CBLC: variants seen among roughly 807,000 people sequenced by gnomAD.
CBLC encodes E3 ubiquitin-protein ligase CBL-C.
CBLC carries 46 observed loss-of-function variants against 58.6 expected under a neutral mutation model. The observed-to-expected ratio is 0.79, with a 90% confidence interval of 0.62 to 1.00. The LOEUF (loss-of-function observed/expected upper bound fraction) is 1.00, where lower values mean the gene tolerates loss of function less well. CBLC is among the 50% of genes least tolerant of loss of function. CBLC has a pLI of 0.00. For synonymous variants in CBLC, 271 were observed against 264.2 expected (o/e 1.03, Z -0.25); for missense variants, 655 against 625.8 (o/e 1.05, Z -0.50).
chr19:44,777,958 GC>G lies in CBLC; in HGVS notation c.28del (p.Arg10AspfsTer19). On this transcript the variant is annotated frameshift_variant, in exon 1 of 11. Coordinates refer to ENST00000647358, the MANE Select transcript of CBLC (RefSeq NM_012116.4). LOFTEE classifies it high-confidence loss of function. ...TGGCTCTGGCGGTGGCCCCGTGGGG[GC>G]GACAGTGGGAAGAGGCCCGCGCCCT... MALAVAPWG[R>X]QWEEARALGR... 2.5e-6 allele frequency: 4 copies of G among 1,601,034 alleles called. No individual in the cohort carries two copies. The South Asian group carries it at 4.4e-5, about 18-fold the overall frequency.
chr19:44,782,661 C>A (rs1349186418), intron 4 of CBLC, among the ~76,000 whole-genome samples, 170 bp downstream of exon 4: 3 of 152,106 alleles, frequency 2.0e-5, no homozygotes, highest in African/African-American at 7.2e-5. Flanking sequence ...TCCCAGCCCG[C>A]CTCTTCTCTC....
intron 4 of CBLC, 41 bp downstream of exon 4, chr19:44,782,532 C>T (rs1967778471): frequency 1.3e-6 from 2 of 1,557,286 alleles, no homozygotes; most frequent in African/African-American, 2.7e-5. Context: ...CTGCAGGGCT[C>T]AGGGATCTGG....
rs1394074209 is a variant in CBLC at position 44,782,492 on chromosome 19, G to A, written c.779+1G>A. The A allele has an allele frequency of 1.9e-6, 3 of 1,612,924 alleles. No homozygotes were observed. The highest frequency in any genetic ancestry group is 2.7e-5 in the African/African-American group (2 of 74,852). On this transcript the variant is annotated splice_donor_variant, in intron 4 of 10. Transcript: ENST00000647358. LOFTEE classifies it high-confidence loss of function. ...AGGCCTGCAGGGACAAGCCAGGCAG[G>A]TAAAGGGTCCAGGGCTCAGCAGAAC...
Position 44,784,334 on chromosome 19 carries a change from A to C in CBLC, c.850A>C (p.Ile284Leu). ...CGGCTATGTGAGCTCAGATGGCAGC[A>C]TCCTGCAGACCATCCCTGCCAACAA... is the stretch of plus-strand genomic sequence containing the variant. ...AIGYVSSDGS[I>L]LQTIPANKPL... The change falls in exon 5 of 11, where the codon ATC becomes CTC. Residue 284 changes from isoleucine (I) to leucine (L), a missense_variant. Physicochemically the swap from Ile to Leu is conservative, Grantham distance 5. Around this residue, in one of 3 missense-constraint regions of CBLC, gnomAD observed 371 missense variants for 370.8 expected, o/e 1.00. Coordinates refer to ENST00000647358, the MANE Select transcript of CBLC (RefSeq NM_012116.4). The C allele has an allele frequency of 6.2e-7, 1 of 1,603,512 alleles. No homozygotes were observed. The highest frequency in any genetic ancestry group is 1.7e-5 in the Admixed American group (1 of 59,890).
At chr19:44,791,165 G>T (rs1173170004) in intron 6 of CBLC, among the ~76,000 whole-genome samples, 4 of 151,792 alleles carry the variant, frequency 2.6e-5, no homozygotes, top group Non-Finnish European at 5.9e-5. Context: ...TTTAGGTTAG[G>T]CACAGTGGTT....
intron 5 of CBLC, 98 bp from the exon 6 acceptor site, chr19:44,789,904 CAG>C (rs1429927551): frequency 1.2e-6 from 1 of 800,090 alleles, no homozygotes; most frequent in African/African-American, 1.7e-5. Flanking sequence ...ATCCTCAACT[CAG>C]GGAAATATGG....
chr19:44,781,328 A>G lies in CBLC; in HGVS notation c.622A>G (p.Ile208Val). Residue 208 changes from isoleucine (I) to valine (V), a missense_variant, in exon 3 of 11, where the codon ATC (isoleucine) becomes GTC (valine). Ile to Val is a conservative substitution (Grantham distance 29). Coordinates refer to ENST00000647358, the MANE Select transcript of CBLC (RefSeq NM_012116.4). ...IDLTCSGHVS[I>V]FEFDVFTRLF... ...CCTCACCTGCAGCGGGCACGTGTCC[A>G]TCTTCGAGTTCGACGTCTTCACCAG... The G allele has an allele frequency of 1.2e-6, 2 of 1,612,468 alleles. No individual in the cohort carries two copies. Among genetic ancestry groups the G allele is most frequent in the Non-Finnish European group, 1.7e-6 (2 of 1,179,990 alleles).
chr19:44,797,197 G>A (rs2122511833), intron 9 of CBLC, among the ~76,000 whole-genome samples: 2 of 151,820 alleles, frequency 1.3e-5, no homozygotes, highest in Non-Finnish European at 2.9e-5. Flanking sequence ...ACATACCACA[G>A]AAGAGACAGC....
intron 1 of CBLC, among the ~76,000 whole-genome samples, chr19:44,778,809 G>C (rs113380920): frequency 7.9e-4 from 73 of 92,968 alleles, no homozygotes; most frequent in African/African-American, 3.9e-3. Context: ...AGGGGTCCAG[G>C]CCCCAGCCCC....
At chr19:44,787,975 T>C (rs62117213) in intron 5 of CBLC, among the ~76,000 whole-genome samples, 1 of 151,376 alleles carries the variant, frequency 6.6e-6, no homozygotes, top group East Asian at 1.9e-4. Context: ...AAAAAAAAAT[T>C]AGTTACCGAC....
Position 44,792,564 on chromosome 19 carries a change from A to C in CBLC, c.1137+50A>C, listed in dbSNP as rs73570198. ...TCCCCTCTGGTCTCCCCCTCTCTAC[A>C]GGGAAAGCCCCAAAAGGATCTCCAT... On this transcript the variant is annotated intron_variant, in intron 7 of 10. Coordinates refer to ENST00000647358, the MANE Select transcript of CBLC (RefSeq NM_012116.4). 2.7e-3 allele frequency: 4,076 copies of C among 1,496,284 alleles called. 104 individuals are homozygous for C. In the African/African-American group the frequency reaches 0.052, roughly 19 times the overall value. The allele number at this position is 1,496,284 out of a possible 1,614,324, so 92.7% of individuals were successfully genotyped here. A position where few individuals can be genotyped will look rare whatever the true frequency, so the allele number is the denominator to read the frequency against.
At chr19:44,790,286 G>A (rs184287643) in intron 6 of CBLC, among the ~76,000 whole-genome samples, 195 bp downstream of exon 6, 11 of 152,158 alleles carry the variant, frequency 7.2e-5, no homozygotes, top group Admixed American at 1.3e-4. Context: ...GGGTGATCAC[G>A]GGGATTAAAT....
chr19:44,783,967 G>C (rs1322320744), intron 4 of CBLC, among the ~76,000 whole-genome samples: 1 of 152,210 alleles, frequency 6.6e-6, no homozygotes. Flanking sequence ...ACTGTGGTCA[G>C]GGGTCCTGAA....
rs1261713017 is a variant in CBLC, at chr19:44,780,982, A to C, written c.431A>C (p.Tyr144Ser). The C allele has an allele frequency of 6.2e-7, 1 of 1,613,640 alleles. No homozygotes were observed. The highest frequency in any genetic ancestry group is 2.2e-5 in the East Asian group (1 of 44,890). The change falls in exon 2 of 11, where the codon TAC (tyrosine) becomes TCC (serine). Residue 144 changes from tyrosine to serine, a missense_variant. Transcript: ENST00000647358. Reference protein sequence around the residue: ...ELHALFPGGKYCGHMYQLTKA... With the variant: ...ELHALFPGGKSCGHMYQLTKA... Reference sequence around the variant, plus strand: ...CACGCACTCTTCCCCGGGGGAAAGTACTGTGGACACATGTACCAGCTCACC... The same window carrying C: ...CACGCACTCTTCCCCGGGGGAAAGTCCTGTGGACACATGTACCAGCTCACC...
intron 5 of CBLC, among the ~76,000 whole-genome samples, chr19:44,786,403 A>G (rs1568559501): frequency 6.6e-6 from 1 of 151,584 alleles, no homozygotes; most frequent in Non-Finnish European, 1.5e-5. Context: ...CATCCTGCCT[A>G]ACACTGTGAA....
intron 6 of CBLC, among the ~76,000 whole-genome samples, chr19:44,791,168 C>T (rs1813570255): frequency 6.6e-6 from 1 of 151,428 alleles, no homozygotes; most frequent in Admixed American, 6.6e-5. Context: ...AGGTTAGGCA[C>T]AGTGGTTCAT....
intron 5 of CBLC, among the ~76,000 whole-genome samples, chr19:44,788,482 T>TC (rs1410017192): frequency 8.2e-5 from 12 of 145,652 alleles, no homozygotes; most frequent in African/African-American, 3.0e-4. Flanking sequence ...AAAATTTCTT[T>TC]TTTTTTTTTT....
At chr19:44,783,997 C>T (rs1372514768) in intron 4 of CBLC, among the ~76,000 whole-genome samples, 1 of 152,160 alleles carries the variant, frequency 6.6e-6, no homozygotes, top group Non-Finnish European at 1.5e-5. Context: ...TTGGCCACCC[C>T]AGCCTTGTTT....
intron 8 of CBLC, 114 bp from the exon 9 acceptor site, chr19:44,794,090 T>G (rs1968126184): frequency 1.3e-6 from 2 of 1,491,654 alleles, no homozygotes; most frequent in African/African-American, 1.4e-5. Context: ...TTGGTCTCTG[T>G]TATATCTTGA....
Sources: gnomAD v4.1 joint callset for allele counts (sites outside exome capture counted in the v4.1 genomes callset) on GRCh38, gnomAD v4.1.1 for gene constraint, gnomAD v4.1.1 regional missense constraint, MANE v1.5 for transcripts, NCBI Gene and HGNC (gene_info 2026-07-23, HGNC 2026-07-21) for gene names.